TBC1D22B: variants seen among roughly 807,000 people sequenced by gnomAD.
TBC1D22B encodes the protein TBC1 domain family member 22B.
A neutral mutation model predicts 69.1 loss-of-function variants in TBC1D22B; 32 were observed. That is an observed-to-expected ratio of 0.46 (90% CI 0.35 to 0.62). The LOEUF (loss-of-function observed/expected upper bound fraction) is 0.62, where lower values mean the gene tolerates loss of function less well. Among genes scored for constraint, TBC1D22B ranks in the 20% least tolerant of loss-of-function variants. The pLI is 0.00. For synonymous variants in TBC1D22B, 206 were observed against 229.8 expected (o/e 0.90, Z 0.94); for missense variants, 462 against 630.9 (o/e 0.73, Z 2.87).
At chr6:37,305,811 C>T (rs957592824) in intron 8 of TBC1D22B, among the ~76,000 whole-genome samples, 9 of 152,216 alleles carry the variant, frequency 5.9e-5, no homozygotes, top group African/African-American at 1.2e-4. Flanking sequence ...TCAGCCACCG[C>T]GCCCGGTCAG....
intron 2 of TBC1D22B, among the ~76,000 whole-genome samples, chr6:37,274,721 A>G (rs1324844349): frequency 6.6e-6 from 1 of 152,206 alleles, no homozygotes; most frequent in Non-Finnish European, 1.5e-5. Context: ...GTCAGAGGCC[A>G]GTTTGGTTGT....
intron 12 of TBC1D22B, among the ~76,000 whole-genome samples, chr6:37,327,031 C>A (rs568500105): frequency 2.6e-5 from 4 of 152,062 alleles, no homozygotes; most frequent in Non-Finnish European, 5.9e-5. Flanking sequence ...CAAAAAGAGG[C>A]AACACCTTTT....
intron 1 of TBC1D22B, among the ~76,000 whole-genome samples, chr6:37,267,536 AAT>A (rs1269549669): frequency 8.2e-5 from 11 of 134,404 alleles, no homozygotes; most frequent in South Asian, 2.3e-4. Flanking sequence ...CTATATATAT[AAT>A]ATATATATAC....
intron 3 of TBC1D22B, among the ~76,000 whole-genome samples, chr6:37,280,635 G>A (rs539789920): frequency 3.3e-5 from 5 of 152,228 alleles, no homozygotes; most frequent in African/African-American, 7.2e-5. Flanking sequence ...GGCCCCTACC[G>A]TGATCCATGA....
intron 8 of TBC1D22B, among the ~76,000 whole-genome samples, chr6:37,311,130 G>A (rs1767897360): frequency 6.6e-6 from 1 of 151,360 alleles, no homozygotes; most frequent in Admixed American, 6.6e-5. Flanking sequence ...CTGTGTGCCA[G>A]GCACTATATT....
chr6:37,282,279 T>A lies in TBC1D22B; in HGVS notation c.516T>A (p.Ala172=), dbSNP rs754855390. 1 of 1,614,012 alleles carries A rather than the reference T, an allele frequency of 6.2e-7. No homozygotes were observed. The highest frequency in any genetic ancestry group is 1.3e-5 in the African/African-American group (1 of 74,892). The change falls in exon 4 of 13, where the codon GCT becomes GCA. Residue 172 remains alanine, a synonymous_variant. Transcript: ENST00000373491. ...TTGCCCGGATCTCGGATCAGAACGCTTCTGGGGCCCCCCCAATGACTGTCC... is the reference window on the plus strand; with the variant it reads ...TTGCCCGGATCTCGGATCAGAACGCATCTGGGGCCCCCCCAATGACTGTCC... ...PLVARISDQN[A]SGAPPMTVRE...
intron 8 of TBC1D22B, among the ~76,000 whole-genome samples, chr6:37,295,924 A>G (rs902488002): frequency 2.0e-5 from 3 of 152,192 alleles, no homozygotes; most frequent in Non-Finnish European, 4.4e-5. Flanking sequence ...AAATCAATCA[A>G]TGTGGCCAAC....
intron 7 of TBC1D22B, among the ~76,000 whole-genome samples, chr6:37,287,757 G>T (rs1300813040): frequency 6.6e-6 from 1 of 152,156 alleles, no homozygotes; most frequent in African/African-American, 2.4e-5. Context: ...AACACATATT[G>T]TTGAGCTGTT....
intron 12 of TBC1D22B, among the ~76,000 whole-genome samples, chr6:37,322,507 ACT>A (rs751310383): frequency 2.2e-4 from 34 of 152,160 alleles, no homozygotes; most frequent in Non-Finnish European, 4.4e-4. Flanking sequence ...GCAAAGTGAG[ACT>A]CTGTCTCAAA....
intron 6 of TBC1D22B, among the ~76,000 whole-genome samples, chr6:37,286,321 C>CTT (rs34349373): frequency 1.2e-3 from 176 of 145,784 alleles, no homozygotes; most frequent in South Asian, 2.4e-3. Context: ...ATTTCCATTT[C>CTT]TTTTTTTTTT....
chr6:37,317,094 A>G lies in TBC1D22B; in HGVS notation c.1294-17A>G, dbSNP rs1395676809. The G allele has an allele frequency of 1.2e-5, 18 of 1,557,734 alleles. No homozygotes were observed. In the Admixed American group the frequency reaches 2.1e-4, roughly 18 times the overall value. On this transcript the variant is annotated splice_polypyrimidine_tract_variant and intron_variant, in intron 11 of 12. Transcript: ENST00000373491. ...TGTCAGGGCTGGGAGACCTAACTCT[A>G]TTTTTCTGCTTCCCAGTCTGAACCA...
intron 8 of TBC1D22B, among the ~76,000 whole-genome samples, chr6:37,303,132 G>A (rs1342252019): frequency 6.6e-6 from 1 of 152,168 alleles, no homozygotes; most frequent in African/African-American, 2.4e-5. Flanking sequence ...AATCTCGTGG[G>A]CACACCTAGC....
chr6:37,320,662 C>T (rs1035784791), intron 12 of TBC1D22B, among the ~76,000 whole-genome samples: 2 of 152,140 alleles, frequency 1.3e-5, no homozygotes, highest in East Asian at 1.9e-4. Context: ...GTCCCAGCTG[C>T]GACAAAAGCC....
chr6:37,314,764 C>T (rs1244363490), intron 10 of TBC1D22B, among the ~76,000 whole-genome samples: 1 of 152,076 alleles, frequency 6.6e-6, no homozygotes, highest in Non-Finnish European at 1.5e-5. Flanking sequence ...GCCTTTCTCC[C>T]TTACCTGCTG....
intron 2 of TBC1D22B, among the ~76,000 whole-genome samples, chr6:37,276,490 A>G (rs1395026016): frequency 1.3e-5 from 2 of 152,114 alleles, no homozygotes; most frequent in Non-Finnish European, 2.9e-5. Flanking sequence ...TCTTTATGTC[A>G]TGGGGAATGA....
intron 8 of TBC1D22B, among the ~76,000 whole-genome samples, chr6:37,298,152 AAC>A (rs1271745756): frequency 1.3e-5 from 2 of 152,134 alleles, no homozygotes; most frequent in Non-Finnish European, 2.9e-5. Flanking sequence ...CTATGTAACA[AAC>A]CTGCGCGTCC....
Position 37,327,334 on chromosome 6 carries a change from C to T in TBC1D22B, c.1390-3710C>T, listed in dbSNP as rs181262181. The stretch of plus-strand genomic sequence containing the variant: ...TCTACTAAAAATGCAAAAAATTAGC[C>T]GGGCGTGGTGGTGGGCGCCTGTAGT... On this transcript the variant is annotated intron_variant, in intron 12 of 12. Transcript: ENST00000373491. 3.2e-3 allele frequency among the ~76,000 whole-genome samples: 435 copies of T among 135,490 alleles called. 51 individuals carry two copies. The East Asian group carries it at 0.058, about 18-fold the overall frequency. The allele number at this position is 135,490 out of a possible 152,430, so 88.9% of individuals were successfully genotyped here.
intron 2 of TBC1D22B, among the ~76,000 whole-genome samples, chr6:37,274,970 T>G (rs1766615296): frequency 6.6e-6 from 1 of 152,174 alleles, no homozygotes; most frequent in Non-Finnish European, 1.5e-5. Context: ...GAGAATCGCT[T>G]GAACCCGGAG....
intron 12 of TBC1D22B, among the ~76,000 whole-genome samples, chr6:37,325,540 CTTTTTTTTTTTTTTTT>C (rs70977648): frequency 7.8e-5 from 6 of 77,172 alleles, no homozygotes; most frequent in Non-Finnish European, 1.4e-4. Context: ...ATCGTTTCTA[CTTTTTTTTTTTTTTTT>C]TTTTTTTTTT....
Sources: allele counts gnomAD v4.1 joint callset (sites outside exome capture counted in the v4.1 genomes callset), GRCh38; gene constraint gnomAD v4.1.1; transcripts MANE v1.5; gene names NCBI Gene and HGNC (gene_info 2026-07-23, HGNC 2026-07-21).